The following MARCHF2 variants were observed in gnomAD, a reference collection of about 807,000 sequenced individuals.
MARCHF2 encodes membrane associated ring-CH-type finger 2.
Under a neutral mutation model 24.0 loss-of-function variants are expected in MARCHF2, and 22 were observed. That is an observed-to-expected ratio of 0.92 (90% CI 0.66 to 1.31). The LOEUF is 1.31. Ranked by LOEUF, MARCHF2 falls within the 50% of genes most tolerant of loss-of-function variation. MARCHF2 has a pLI of 0.00. For missense variants in MARCHF2, 301 were observed against 335.3 expected (o/e 0.90, Z 0.80); for synonymous variants, 154 against 153.0 (o/e 1.01, Z -0.05).
At chr19:8,436,872 T>C (rs1411857681) in intron 4 of MARCHF2, among the ~76,000 whole-genome samples, 1 of 151,940 alleles carries the variant, frequency 6.6e-6, no homozygotes, top group African/African-American at 2.4e-5. Context: ...GTATTTTTAA[T>C]AGAGATGGGA....
At chr19:8,422,823 G>C (rs1416379124) in intron 2 of MARCHF2, among the ~76,000 whole-genome samples, 1 of 143,358 alleles carries the variant, frequency 7.0e-6, no homozygotes, top group African/African-American at 2.6e-5. Context: ...TCCTGCCTCA[G>C]CCTCCTGAGT....
intron 3 of MARCHF2, among the ~76,000 whole-genome samples, chr19:8,427,240 G>A (rs975346827): frequency 3.9e-5 from 6 of 151,912 alleles, no homozygotes; most frequent in South Asian, 4.2e-4. Context: ...GTAGAGATGC[G>A]GTTTCACCAT....
intron 1 of MARCHF2, among the ~76,000 whole-genome samples, chr19:8,415,823 C>T (rs911500244): frequency 1.3e-5 from 2 of 151,434 alleles, no homozygotes; most frequent in African/African-American, 2.4e-5. Context: ...GCCATCAGAT[C>T]ACTCTCCCAT....
intron 3 of MARCHF2, among the ~76,000 whole-genome samples, chr19:8,429,836 C>A (rs374731128): frequency 3.9e-5 from 3 of 76,864 alleles, no homozygotes; most frequent in East Asian, 4.1e-4. Context: ...TAGCCCATTT[C>A]TTTTGGCCTG....
chr19:8,428,216 G>GC, intron 3 of MARCHF2, among the ~76,000 whole-genome samples: 1 of 150,790 alleles, frequency 6.6e-6, no homozygotes, highest in Non-Finnish European at 1.5e-5. Context: ...GCTGAGATCA[G>GC]GCCACTGCAC....
chr19:8,436,682 T>C (rs1021132095), intron 4 of MARCHF2, among the ~76,000 whole-genome samples: 2 of 135,750 alleles, frequency 1.5e-5, no homozygotes, highest in African/African-American at 2.6e-5. Flanking sequence ...GCTTTCTTTT[T>C]TTTTTTTTTT....
At chr19:8,427,658 T>G (rs1386414812) in intron 3 of MARCHF2, 1 of 151,996 alleles carries the variant, frequency 6.6e-6, no homozygotes, top group East Asian at 1.9e-4. Context: ...AGCTGAGGCC[T>G]GAGAGATGAA....
At chr19:8,428,649 CAAAAAAAA>C (rs59542078) in intron 3 of MARCHF2, among the ~76,000 whole-genome samples, 1 of 30,640 alleles carries the variant, frequency 3.3e-5, no homozygotes, top group Non-Finnish European at 5.5e-5. Context: ...GACTCTATCT[CAAAAAAAA>C]AAAAAAAAAA....
intron 2 of MARCHF2, among the ~76,000 whole-genome samples, chr19:8,424,502 C>CA (rs1323449409): frequency 6.6e-6 from 1 of 151,830 alleles, no homozygotes; most frequent in Non-Finnish European, 1.5e-5. Context: ...CCCGTCTCTA[C>CA]AAAAAATACA....
chr19:8,430,686 A>G lies in MARCHF2; in HGVS notation c.401A>G (p.Glu134Gly). ...EWLKDPGPRT[E>G]KRTLCCDMVC... is the part of the protein sequence containing the mutation. Reference sequence around the variant, plus strand: ...CTGAAGGACCCGGGGCCGCGGACGGAGAAGCGGACACTGTGCTGCGACATG... The same window carrying G: ...CTGAAGGACCCGGGGCCGCGGACGGGGAAGCGGACACTGTGCTGCGACATG... Residue 134 changes from glutamate (E) to glycine (G), a missense_variant, in exon 4 of 5, where the codon GAG becomes GGG. Physicochemically the swap from Glu to Gly is moderately conservative, Grantham distance 98. Coordinates refer to ENST00000215555, the MANE Select transcript of MARCHF2 (RefSeq NM_001005415.2). The surrounding 1 kb of genome is among the most constrained non-coding windows in gnomAD (Gnocchi z 4.4). 6.2e-7 allele frequency: 1 copy of G among 1,609,748 alleles called. No individual in the cohort carries two copies. Among genetic ancestry groups the G allele is most frequent in the Non-Finnish European group, 8.5e-7 (1 of 1,179,858 alleles).
rs886677127 is a variant in MARCHF2 at position 8,421,496 on chromosome 19, G to A, written c.-52-293G>A. ...CCCGCCTCAGCCTCCCAAAGTGCTG[G>A]GATTACAGGCGTCAGCCACCGCGCC... On this transcript the variant is annotated intron_variant, in intron 1 of 4. Transcript: ENST00000215555. 2.7e-4 allele frequency among the ~76,000 whole-genome samples: 40 copies of A among 150,624 alleles called. 1 individual carries two copies. Among genetic ancestry groups the A allele is most frequent in the African/African-American group, 9.2e-4 (38 of 41,154 alleles).
At chr19:8,428,835 G>A (rs1395345126) in intron 3 of MARCHF2, among the ~76,000 whole-genome samples, 1 of 149,388 alleles carries the variant, frequency 6.7e-6, no homozygotes, top group Non-Finnish European at 1.5e-5. Context: ...ATGGTGGCGG[G>A]GGCCTGTAAT....
intron 2 of MARCHF2, 61 bp from the exon 3 acceptor site, chr19:8,426,548 A>G: frequency 7.3e-7 from 1 of 1,376,360 alleles, no homozygotes. Context: ...TCCAGTGGGT[A>G]GTGAAGCAGG....
At chr19:8,420,636 G>A (rs776069101) in intron 1 of MARCHF2, among the ~76,000 whole-genome samples, 3 of 152,048 alleles carry the variant, frequency 2.0e-5, no homozygotes, top group South Asian at 2.1e-4. Context: ...AGGGTAAGAG[G>A]AGGCCTAGCT....
intron 3 of MARCHF2, among the ~76,000 whole-genome samples, chr19:8,428,405 T>G (rs1004611746): frequency 2.8e-5 from 4 of 144,192 alleles, no homozygotes; most frequent in Non-Finnish European, 6.1e-5. Flanking sequence ...GGAGAATTGC[T>G]TGAACCCGGG....
At chr19:8,428,685 C>CAAAAAAAAAAA (rs1967488788) in intron 3 of MARCHF2, among the ~76,000 whole-genome samples, 2 of 76,752 alleles carry the variant, frequency 2.6e-5, no homozygotes, top group Admixed American at 1.5e-4. Flanking sequence ...AAAAAAAAAC[C>CAAAAAAAAAAA]AAGGCTGGAC....
chr19:8,431,699 G>T (rs997794984), intron 4 of MARCHF2, among the ~76,000 whole-genome samples: 2 of 151,162 alleles, frequency 1.3e-5, no homozygotes, highest in Non-Finnish European at 2.9e-5. Context: ...TTAGCTGTGC[G>T]TGGTGGTGGG....
chr19:8,432,002 CA>C (rs1714186298), intron 4 of MARCHF2, among the ~76,000 whole-genome samples: 1 of 151,312 alleles, frequency 6.6e-6, no homozygotes, highest in Non-Finnish European at 1.5e-5. Flanking sequence ...ACTAAAAATA[CA>C]AAAAATTAAC....
In MARCHF2 at chr19:8,422,153, A is replaced by G. The variant is rs553916822; in HGVS notation, c.176+137A>G. On this transcript the variant is annotated intron_variant, in intron 2 of 4. Transcript: ENST00000215555. ...GGTAAATAGAGAAAGAGACACAAAC[A>G]GTTATCGCCTTGTGGAAACAGAGGC... The G allele has an allele frequency of 4.5e-4, 408 of 900,404 alleles. 6 individuals are homozygous for G. In the South Asian group the frequency reaches 7.7e-3, roughly 17 times the overall value. 55.8% of individuals were successfully genotyped at this position (900,404 alleles called of 1,614,324 possible).
Sources: allele counts gnomAD v4.1 joint callset (sites outside exome capture counted in the v4.1 genomes callset), GRCh38; gene constraint gnomAD v4.1.1; non-coding constraint Gnocchi (gnomAD v3.1); transcripts MANE v1.5; gene names NCBI Gene and HGNC (gene_info 2026-07-23, HGNC 2026-07-21).